The following ITIH5 variants were observed in gnomAD, a reference collection of about 807,000 sequenced individuals.
The protein encoded by ITIH5 is inter-alpha-trypsin inhibitor heavy chain 5.
A neutral mutation model predicts 77.5 loss-of-function variants in ITIH5; 65 were observed. The ratio of observed to expected loss-of-function variants is 0.84; its 90% CI spans 0.69 to 1.03. ITIH5 has a LOEUF of 1.03. Among genes scored for constraint, ITIH5 ranks in the 50% least tolerant of loss-of-function variants. The pLI is 0.00. For missense variants in ITIH5, 1,208 were observed against 1,213.1 expected (o/e 1.00, Z 0.06); for synonymous variants, 525 against 494.3 (o/e 1.06, Z -0.82).
chr10:7,583,097 C>T (rs1832600909), intron 8 of ITIH5, among the ~76,000 whole-genome samples: 1 of 151,856 alleles, frequency 6.6e-6, no homozygotes, highest in Non-Finnish European at 1.5e-5. Context: ...CTCATATACC[C>T]CATAAACACA....
intron 7 of ITIH5, among the ~76,000 whole-genome samples, chr10:7,613,797 C>CT (rs1416583953): frequency 6.6e-6 from 1 of 151,254 alleles, no homozygotes; most frequent in Admixed American, 6.6e-5. Context: ...CCCTCTGTAG[C>CT]TTAGGGGTGC....
At chr10:7,567,129 GGA>G (rs1832202286) in intron 12 of ITIH5, among the ~76,000 whole-genome samples, 1 of 151,822 alleles carries the variant, frequency 6.6e-6, no homozygotes, top group Non-Finnish European at 1.5e-5. Context: ...TTGGGATAGG[GGA>G]GAGAGGATGT....
Position 7,559,828 on chromosome 10 carries a change from C to T in ITIH5, c.*3255G>A, listed in dbSNP as rs971987041. The T allele has an allele frequency of 1.1e-5, 5 of 454,502 alleles. No homozygotes were observed. Among genetic ancestry groups the T allele is most frequent in the African/African-American group, 1.0e-4 (5 of 49,316 alleles). 28.2% of individuals were successfully genotyped at this position (454,502 alleles called of 1,614,324 possible). On this transcript the variant is annotated 3_prime_UTR_variant, in exon 14 of 14. Transcript: ENST00000397146. ...CCCCAGGTGGTGGAGAGGAAAAACA[C>T]CATCTCTCCCATGTCTTTTTTTTGT...
intron 7 of ITIH5, among the ~76,000 whole-genome samples, chr10:7,588,200 A>G (rs542785096): frequency 2.0e-4 from 31 of 152,150 alleles, no homozygotes; most frequent in South Asian, 4.1e-4. Flanking sequence ...CCTGGCCAAC[A>G]TGGCAAAACC....
At chr10:7,640,405 AG>A (rs1833865558) in intron 4 of ITIH5, among the ~76,000 whole-genome samples, 1 of 149,044 alleles carries the variant, frequency 6.7e-6, no homozygotes, top group East Asian at 2.1e-4. Flanking sequence ...TGAGCCCAGG[AG>A]GTTGAGGCTG....
At chr10:7,634,205 G>A (rs995908680) in intron 5 of ITIH5, among the ~76,000 whole-genome samples, 2 of 152,096 alleles carry the variant, frequency 1.3e-5, no homozygotes, top group African/African-American at 4.8e-5. Context: ...TCTATCAGCG[G>A]AATGTATTGG....
intron 1 of ITIH5, among the ~76,000 whole-genome samples, chr10:7,661,915 T>TG (rs1230045880): frequency 6.6e-6 from 1 of 151,970 alleles, no homozygotes; most frequent in East Asian, 1.9e-4. Flanking sequence ...TTGTCCAGGC[T>TG]GGTCTTGAAC....
intron 5 of ITIH5, among the ~76,000 whole-genome samples, chr10:7,629,406 T>C (rs1588413485): frequency 6.6e-6 from 1 of 151,026 alleles, no homozygotes; most frequent in African/African-American, 2.4e-5. Flanking sequence ...TGTTGTAGAG[T>C]GTGTCCATGT....
At chr10:7,563,770 T>C (rs1003180741) in intron 13 of ITIH5, among the ~76,000 whole-genome samples, 2 of 152,216 alleles carry the variant, frequency 1.3e-5, no homozygotes, top group Non-Finnish European at 2.9e-5. Flanking sequence ...CCGTCTCAGG[T>C]CTGTGCCGGG....
At position 7,666,162 on chromosome 10, in the gene ITIH5, C is replaced by CT. The variant is rs199871448; in HGVS notation, c.90+640dup. On this transcript the variant is annotated intron_variant, in intron 1 of 13. Coordinates refer to ENST00000397146, the MANE Select transcript of ITIH5 (RefSeq NM_030569.7). ...CATACTTTTTAAAGACAAAAATGCT[C>CT]TATTCATCATTTTATTGACATTTCA... 5.2e-4 allele frequency among the ~76,000 whole-genome samples: 79 copies of CT among 152,334 alleles called. No homozygotes were observed. The East Asian group carries it at 0.014, about 28-fold the overall frequency.
rs2275069 is a variant in ITIH5 at position 7,576,723 on chromosome 10, T to G, written c.1708A>C (p.Thr570Pro). The change falls in exon 10 of 14, where the codon ACC becomes CCC. Residue 570 changes from threonine to proline, a missense_variant. Transcript: ENST00000397146. ...CTCCAGAGACGCTCGATGTGGTTGGTGTCCCCCTCTCCATCGCCTCCAGGC... is the reference window on the plus strand; with the variant it reads ...CTCCAGAGACGCTCGATGTGGTTGGGGTCCCCCTCTCCATCGCCTCCAGGC... Reference protein sequence around the residue: ...PRPGGDGEGDTNHIERLWSYL... With the variant: ...PRPGGDGEGDPNHIERLWSYL... The G allele has an allele frequency of 0.54, 875,520 of 1,613,736 alleles. 239,970 individuals are homozygous for G. Among genetic ancestry groups the G allele is most frequent in the East Asian group, 0.77 (34,532 of 44,844 alleles).
intron 2 of ITIH5, among the ~76,000 whole-genome samples, chr10:7,654,163 G>A (rs759100586): frequency 3.3e-5 from 5 of 152,052 alleles, no homozygotes; most frequent in Admixed American, 6.6e-5. Context: ...GTAAGCATTC[G>A]GTTGACATGA....
At chr10:7,645,344 C>T (rs1335084318) in intron 2 of ITIH5, among the ~76,000 whole-genome samples, 1 of 151,958 alleles carries the variant, frequency 6.6e-6, no homozygotes, top group Non-Finnish European at 1.5e-5. Flanking sequence ...TTCAAAGTAG[C>T]GCTTCTCAAA....
At chr10:7,582,700 C>A (rs1832590309) in intron 8 of ITIH5, among the ~76,000 whole-genome samples, 1 of 152,156 alleles carries the variant, frequency 6.6e-6, no homozygotes, top group African/African-American at 2.4e-5. Flanking sequence ...ATGGATGGAA[C>A]TGGAGCTCAT....
At chr10:7,646,292 A>G (rs1834009333) in intron 2 of ITIH5, among the ~76,000 whole-genome samples, 1 of 152,240 alleles carries the variant, frequency 6.6e-6, no homozygotes, top group Non-Finnish European at 1.5e-5. Context: ...AAAATTATCA[A>G]GTAACATATG....
At chr10:7,576,254 T>C (rs916968546) in intron 10 of ITIH5, among the ~76,000 whole-genome samples, 199 bp downstream of exon 10, 1 of 152,172 alleles carries the variant, frequency 6.6e-6, no homozygotes, top group Non-Finnish European at 1.5e-5. Context: ...ATTGAACTCA[T>C]GGCCTCAAGG....
Position 7,586,067 on chromosome 10 carries a change from G to A in ITIH5, c.942C>T (p.Thr314=), listed in dbSNP as rs1229801481. ...ASMVGTKLRQ[T]KDALFTILHD... ...GGAGAATTGTGAAGAGGGCATCCTT[G>A]GTCTAGGCAAACACAAAAGCAAAAC... Residue 314 remains threonine, a splice_region_variant and synonymous_variant, in exon 8 of 14, where the codon ACC becomes ACT. Transcript: ENST00000397146. 1.2e-6 allele frequency: 2 copies of A among 1,611,688 alleles called. No individual in the cohort carries two copies. The highest frequency in any genetic ancestry group is 8.5e-7 in the Non-Finnish European group (1 of 1,179,124).
chr10:7,586,150 C>G (rs539600520), intron 7 of ITIH5, 81 bp from the exon 8 acceptor site: 5 of 1,271,790 alleles, frequency 3.9e-6, no homozygotes, highest in South Asian at 3.1e-5. Context: ...CGCCCCCGCC[C>G]CCCAGGAAAA....
At chr10:7,575,224 C>T (rs1407531103) in intron 10 of ITIH5, among the ~76,000 whole-genome samples, 1 of 152,190 alleles carries the variant, frequency 6.6e-6, no homozygotes, top group Non-Finnish European at 1.5e-5. Flanking sequence ...GTTCTTACAA[C>T]AGCCCTGCAG....
Sources: allele counts gnomAD v4.1 joint callset (sites outside exome capture counted in the v4.1 genomes callset), GRCh38; gene constraint gnomAD v4.1.1; transcripts MANE v1.5; gene names NCBI Gene and HGNC (gene_info 2026-07-23, HGNC 2026-07-21).